The following CSMD3 variants were observed in gnomAD, a reference collection of about 807,000 sequenced individuals.
The protein encoded by CSMD3 is CUB and Sushi multiple domains 3.
In CSMD3, 177 loss-of-function variants were observed where a neutral mutation model predicts 435.2. That is an observed-to-expected ratio of 0.41 (90% CI 0.36 to 0.46). The LOEUF is 0.46. Ranked by LOEUF, CSMD3 falls within the 20% of genes least tolerant of loss-of-function variation. The pLI is 0.34. For synonymous variants in CSMD3, 1,656 were observed against 1,520.5 expected, an observed-to-expected ratio of 1.09 and a Z score of -2.07; for missense variants, 4,265 against 4,504.6, an observed-to-expected ratio of 0.95 and a Z score of 1.52.
At chr8:113,198,882 A>G (rs949719228) in intron 3 of CSMD3, among the ~76,000 whole-genome samples, 5 of 151,372 alleles carry the variant, frequency 3.3e-5, no homozygotes, top group African/African-American at 9.6e-5. Flanking sequence ...AAACAGAGCC[A>G]ACGTTAGAGA....
intron 18 of CSMD3, among the ~76,000 whole-genome samples, chr8:112,655,552 T>C (rs1261416335): frequency 6.6e-6 from 1 of 152,020 alleles, no homozygotes; most frequent in African/African-American, 2.4e-5. Flanking sequence ...TATTTTAGAC[T>C]TTTTAAACAA....
intron 1 of CSMD3, among the ~76,000 whole-genome samples, chr8:113,352,579 A>G (rs1029814614): frequency 3.3e-5 from 5 of 152,206 alleles, no homozygotes; most frequent in South Asian, 2.1e-4. Flanking sequence ...TGCTATGTCT[A>G]GAGCACAAAA....
rs190448797 is a variant in CSMD3, at chr8:112,913,905, C to A, written c.1633+7722G>T. 1.2e-3 allele frequency among the ~76,000 whole-genome samples: 182 copies of A among 152,020 alleles called. 2 individuals are homozygous for A. Among genetic ancestry groups the A allele is most frequent in the African/African-American group, 4.3e-3 (178 of 41,516 alleles). ...GTCTTTGAACGGAATGCACCATATT[C>A]ATTTTTCTGCAGTAGCTCTTATTGT... On this transcript the variant is annotated intron_variant, in intron 10 of 70. Transcript: ENST00000297405.
intron 4 of CSMD3, among the ~76,000 whole-genome samples, chr8:113,146,249 T>C (rs778901554): frequency 2.0e-5 from 3 of 151,530 alleles, no homozygotes; most frequent in Non-Finnish European, 4.4e-5. Flanking sequence ...GTGTATACTG[T>C]GTTTGTCAGC....
At chr8:113,032,748 G>A (rs1239677899) in intron 5 of CSMD3, among the ~76,000 whole-genome samples, 1 of 151,562 alleles carries the variant, frequency 6.6e-6, no homozygotes, top group Non-Finnish European at 1.5e-5. Context: ...AATGTTAATA[G>A]CCAAGACAAT....
At chr8:112,227,765 T>C (rs1812704292) in intron 70 of CSMD3, among the ~76,000 whole-genome samples, 1 of 152,064 alleles carries the variant, frequency 6.6e-6, no homozygotes, top group East Asian at 1.9e-4. Flanking sequence ...AAAATATCAA[T>C]TTTGCGGTGG....
intron 5 of CSMD3, among the ~76,000 whole-genome samples, chr8:113,066,828 G>T (rs899892976): frequency 6.6e-6 from 1 of 151,932 alleles, no homozygotes; most frequent in African/African-American, 2.4e-5. Flanking sequence ...AGATATCATT[G>T]GTTAAAATTC....
chr8:112,483,518 T>C (rs933271472), intron 31 of CSMD3, among the ~76,000 whole-genome samples: 3 of 152,096 alleles, frequency 2.0e-5, no homozygotes, highest in Non-Finnish European at 2.9e-5. Context: ...GGTTTAGGTT[T>C]AAATTCCAGC....
At chr8:113,360,900 T>G (rs2094271221) in intron 1 of CSMD3, among the ~76,000 whole-genome samples, 1 of 152,168 alleles carries the variant, frequency 6.6e-6, no homozygotes. Flanking sequence ...GAAATTTCCT[T>G]GTCTAGCAAT....
intron 11 of CSMD3, among the ~76,000 whole-genome samples, chr8:112,844,830 T>A (rs1587458935): frequency 1.3e-5 from 2 of 152,072 alleles, no homozygotes; most frequent in East Asian, 3.9e-4. Flanking sequence ...CAGTCTCTCT[T>A]TTTCCTCCCC....
intron 24 of CSMD3, among the ~76,000 whole-genome samples, chr8:112,559,096 T>C (rs1828383358): frequency 6.6e-6 from 1 of 151,856 alleles, no homozygotes; most frequent in African/African-American, 2.4e-5. Flanking sequence ...TGAATGAATT[T>C]GCTAAAAACT....
At chr8:113,405,756 T>A (rs1459358356) in intron 1 of CSMD3, among the ~76,000 whole-genome samples, 5 of 151,744 alleles carry the variant, frequency 3.3e-5, no homozygotes. Context: ...ATAAAATACT[T>A]CTTAAAAGTT....
In CSMD3 at chr8:112,517,351, A is replaced by T. The variant is rs1823783967; in HGVS notation, c.4565-126T>A. The T allele has an allele frequency of 2.0e-5, 13 of 642,456 alleles. No homozygotes were observed. In the South Asian group the frequency reaches 2.5e-4, roughly 12 times the overall value. The allele number at this position is 642,456 out of a possible 1,614,324, so 39.8% of individuals were successfully genotyped here. ...AATTTTTAAATGCTATACAATAAAC[A>T]CTTTCTCCATATTTTAAATAATTTA... On this transcript the variant is annotated intron_variant, in intron 27 of 70. Transcript: ENST00000297405.
At chr8:113,346,084 T>C (rs2094149259) in intron 1 of CSMD3, among the ~76,000 whole-genome samples, 3 of 152,216 alleles carry the variant, frequency 2.0e-5, no homozygotes, top group South Asian at 4.1e-4. Context: ...TCAAGGTATT[T>C]TGTCATTTAC....
At chr8:112,621,014 A>AGT (rs1563776864) in intron 22 of CSMD3, among the ~76,000 whole-genome samples, 2 of 152,102 alleles carry the variant, frequency 1.3e-5, no homozygotes, top group Non-Finnish European at 2.9e-5. Flanking sequence ...AGGTGGGCGG[A>AGT]TCACCTGAGG....
At chr8:112,954,333 A>G (rs776753594) in intron 8 of CSMD3, among the ~76,000 whole-genome samples, 2 of 151,698 alleles carry the variant, frequency 1.3e-5, no homozygotes, top group Non-Finnish European at 3.0e-5. Context: ...TCAATCAAGA[A>G]TTCCTACAAG....
chr8:112,548,103 G>T (rs1052315094), intron 27 of CSMD3, among the ~76,000 whole-genome samples: 2 of 152,120 alleles, frequency 1.3e-5, no homozygotes, highest in African/African-American at 4.8e-5. Context: ...TTAGAAACTA[G>T]ATGACTTTAG....
intron 1 of CSMD3, among the ~76,000 whole-genome samples, chr8:113,394,107 G>A (rs4354335): frequency 0.71 from 107,937 of 151,314 alleles, 38,753 homozygotes; most frequent in East Asian, 0.94. Flanking sequence ...TACAAGTATA[G>A]TCTAGCATTT....
intron 20 of CSMD3, among the ~76,000 whole-genome samples, chr8:112,639,392 T>C (rs1005356759): frequency 6.6e-6 from 1 of 152,164 alleles, no homozygotes; most frequent in Non-Finnish European, 1.5e-5. Flanking sequence ...ATCTGTTAGA[T>C]GAATGTAATT....
Sources: allele counts gnomAD v4.1 joint callset (sites outside exome capture counted in the v4.1 genomes callset), GRCh38; gene constraint gnomAD v4.1.1; transcripts MANE v1.5; gene names NCBI Gene and HGNC (gene_info 2026-07-23, HGNC 2026-07-21).